The following CDH12 variants were observed in gnomAD, a reference collection of about 807,000 sequenced individuals.
CDH12 encodes the protein cadherin 12, also known as cadherin-12.
A neutral mutation model predicts 74.1 loss-of-function variants in CDH12; 41 were observed. The observed-to-expected ratio is 0.55, with a 90% CI of 0.43 to 0.72. CDH12 has a LOEUF of 0.72. Among genes scored for constraint, CDH12 ranks in the 30% least tolerant of loss-of-function variants. The probability of loss-of-function intolerance (pLI) is 0.00; values close to 1 mark genes in which losing one functional copy is unlikely to be tolerated. For missense variants in CDH12, 945 were observed against 977.2 expected (o/e 0.97, Z 0.44); for synonymous variants, 399 against 355.0 (o/e 1.12, Z -1.39).
At chr5:21,867,840 CATG>C (rs1441613586) in intron 6 of CDH12, among the ~76,000 whole-genome samples, 2 of 152,102 alleles carry the variant, frequency 1.3e-5, no homozygotes, top group Non-Finnish European at 1.5e-5. Context: ...AATGTGAGGA[CATG>C]ATATTTAAGG....
At chr5:22,150,432 C>G (rs1045212484) in intron 4 of CDH12, among the ~76,000 whole-genome samples, 20 of 151,608 alleles carry the variant, frequency 1.3e-4, no homozygotes, top group African/African-American at 4.9e-4. Context: ...TACTCAATAA[C>G]TAGCAATGAA....
chr5:21,778,322 G>A (rs968592066), intron 11 of CDH12, among the ~76,000 whole-genome samples: 1 of 151,918 alleles, frequency 6.6e-6, no homozygotes, highest in Non-Finnish European at 1.5e-5. Flanking sequence ...TTCATTGAAA[G>A]GATCAGATGA....
At chr5:22,641,423 T>G (rs1232162264) in intron 1 of CDH12, among the ~76,000 whole-genome samples, 1 of 152,098 alleles carries the variant, frequency 6.6e-6, no homozygotes. Flanking sequence ...GGGCCCCAAG[T>G]GGTTGATGGT....
At chr5:22,182,346 A>C (rs1182359605) in intron 4 of CDH12, among the ~76,000 whole-genome samples, 1 of 152,052 alleles carries the variant, frequency 6.6e-6, no homozygotes, top group Non-Finnish European at 1.5e-5. Context: ...TGCATTCCAC[A>C]TGTTGGTGTT....
chr5:22,189,130 AT>A (rs5866558), intron 4 of CDH12, among the ~76,000 whole-genome samples: 47,359 of 151,950 alleles, frequency 0.31, 7,781 homozygotes, highest in South Asian at 0.39. Flanking sequence ...GTAAATTAAC[AT>A]TTTCCAACTT....
At chr5:22,112,945 G>A (rs1295052485) in intron 4 of CDH12, among the ~76,000 whole-genome samples, 1 of 152,124 alleles carries the variant, frequency 6.6e-6, no homozygotes, top group African/African-American at 2.4e-5. Context: ...TACACCCCAT[G>A]ACACATAGTG....
intron 3 of CDH12, among the ~76,000 whole-genome samples, chr5:22,285,312 T>C (rs1415098433): frequency 1.3e-5 from 2 of 151,486 alleles, no homozygotes; most frequent in Admixed American, 6.6e-5. Flanking sequence ...ACATAAAAAA[T>C]AAGTTAAGAT....
intron 1 of CDH12, among the ~76,000 whole-genome samples, chr5:22,598,875 C>T (rs966638987): frequency 2.0e-5 from 3 of 152,074 alleles, no homozygotes; most frequent in Non-Finnish European, 2.9e-5. Flanking sequence ...ATAAGGTAAT[C>T]AATGTTTCTA....
intron 1 of CDH12, among the ~76,000 whole-genome samples, chr5:22,705,140 C>T (rs1047942833): frequency 4.7e-4 from 66 of 141,904 alleles, no homozygotes; most frequent in Non-Finnish European, 8.3e-4. Flanking sequence ...TACACACACA[C>T]ACACACACAC....
Position 21,938,613 on chromosome 5 carries a change from C to A in CDH12, c.526+36478G>T, listed in dbSNP as rs552331575. Among the ~76,000 whole-genome samples, 7 of 148,754 alleles carry A rather than the reference C, an allele frequency of 4.7e-5. No homozygotes were observed. In the East Asian group the frequency reaches 1.2e-3, roughly 25 times the overall value. On this transcript the variant is annotated intron_variant, in intron 6 of 14. Coordinates refer to ENST00000382254, the MANE Select transcript of CDH12 (RefSeq NM_004061.5). ...GTTAAATAAATCTCAGGCAGATAGG[C>A]TATGCATGACCTGCTTCTTTTATCT...
chr5:22,266,195 C>T (rs1296564646), intron 3 of CDH12, among the ~76,000 whole-genome samples: 4 of 151,994 alleles, frequency 2.6e-5, no homozygotes, highest in Admixed American at 6.6e-5. Context: ...TCTGCCTCAG[C>T]CTCCCAAGTA....
At chr5:22,402,393 C>A (rs1316245315) in intron 3 of CDH12, among the ~76,000 whole-genome samples, 1 of 152,066 alleles carries the variant, frequency 6.6e-6, no homozygotes, top group Non-Finnish European at 1.5e-5. Context: ...AAATGAAGAA[C>A]AAGTTATTGT....
intron 1 of CDH12, among the ~76,000 whole-genome samples, chr5:22,849,865 T>C (rs763517887): frequency 4.6e-5 from 7 of 152,018 alleles, no homozygotes; most frequent in Non-Finnish European, 1.0e-4. Context: ...AGAAAACCAC[T>C]GTAAAAAAAT....
intron 2 of CDH12, among the ~76,000 whole-genome samples, chr5:22,411,258 A>G (rs895208990): frequency 1.3e-5 from 2 of 152,046 alleles, no homozygotes; most frequent in African/African-American, 4.8e-5. Context: ...AATTCTATAT[A>G]CCAATGGAAA....
intron 1 of CDH12, among the ~76,000 whole-genome samples, chr5:22,758,738 A>G (rs1327563837): frequency 6.6e-6 from 1 of 152,180 alleles, no homozygotes; most frequent in Non-Finnish European, 1.5e-5. Flanking sequence ...AAATCTTCGT[A>G]GTGACAAAAG....
At chr5:22,605,214 C>T (rs948492174) in intron 1 of CDH12, among the ~76,000 whole-genome samples, 8 of 152,138 alleles carry the variant, frequency 5.3e-5, no homozygotes, top group African/African-American at 9.7e-5. Flanking sequence ...CTGTGCACTC[C>T]GAGGCGTGGA....
At chr5:22,271,311 T>G (rs1015688444) in intron 3 of CDH12, among the ~76,000 whole-genome samples, 1 of 152,214 alleles carries the variant, frequency 6.6e-6, no homozygotes, top group Non-Finnish European at 1.5e-5. Context: ...TTATTAAAGC[T>G]TTATCACAAG....
At chr5:22,326,228 ATT>A (rs111680651) in intron 3 of CDH12, among the ~76,000 whole-genome samples, 1 of 149,068 alleles carries the variant, frequency 6.7e-6, no homozygotes, top group Non-Finnish European at 1.5e-5. Flanking sequence ...CCAGTTGGCT[ATT>A]TTTTTTTTTT....
chr5:22,770,107 C>T (rs1746730012), intron 1 of CDH12, among the ~76,000 whole-genome samples: 1 of 150,930 alleles, frequency 6.6e-6, no homozygotes, highest in Non-Finnish European at 1.5e-5. Context: ...ATTCACATGT[C>T]CCCAGGCGTG....
Sources: allele counts gnomAD v4.1 joint callset (sites outside exome capture counted in the v4.1 genomes callset), GRCh38; gene constraint gnomAD v4.1.1; transcripts MANE v1.5; gene names NCBI Gene and HGNC (gene_info 2026-07-23, HGNC 2026-07-21).